BCAS3: variants seen among roughly 807,000 people sequenced by gnomAD.
BCAS3 encodes the protein BCAS3 microtubule associated cell migration factor.
In BCAS3, 53 loss-of-function variants were observed where a neutral mutation model predicts 116.1. That is an observed-to-expected ratio of 0.46 (90% CI 0.37 to 0.57). The LOEUF (loss-of-function observed/expected upper bound fraction) is 0.57. Among genes scored for constraint, BCAS3 ranks in the 20% least tolerant of loss-of-function variants. The pLI is 0.00. For missense variants in BCAS3, 917 were observed against 1,165.4 expected, an observed-to-expected ratio of 0.79 and a Z score of 3.10; for synonymous variants, 391 against 408.2, an observed-to-expected ratio of 0.96 and a Z score of 0.51.
In BCAS3 at chr17:61,008,495, A is replaced by G. The variant is rs1309231229; in HGVS notation, c.1487-7256A>G. On this transcript the variant is annotated intron_variant, in intron 15 of 23. Coordinates refer to ENST00000407086, the MANE Select transcript of BCAS3 (RefSeq NM_017679.5). This position sits in a 1 kb window ranked among gnomAD's most constrained non-coding sequence, Gnocchi z 4.6. ...GTGTTTTTAACTTTTCAGAGCCCAC[A>G]TTTCCAGTGACTATTTCAAAACAAG... Among the ~76,000 whole-genome samples the G allele has an allele frequency of 1.3e-5, 2 of 151,922 alleles. No individual in the cohort carries two copies. The highest frequency in any genetic ancestry group is 1.3e-4 in the Admixed American group (2 of 15,226).
chr17:61,156,144 CAG>C lies in BCAS3; in HGVS notation c.2425+71584_2425+71585del, dbSNP rs1197651166. ...TGCACCACAAACAAACGCAGAGAGA[CAG>C]AGAAAGACAGTCAGCCAGACACATT... is the stretch of plus-strand genomic sequence containing the variant. On this transcript the variant is annotated intron_variant, in intron 22 of 23. Transcript: ENST00000407086. The surrounding 1 kb of genome is among the most constrained non-coding windows in gnomAD (Gnocchi z 4.7). Among the ~76,000 whole-genome samples, 1 of 147,370 alleles carries C rather than the reference CAG, an allele frequency of 6.8e-6. No homozygotes were observed. Among genetic ancestry groups the C allele is most frequent in the African/African-American group, 2.5e-5 (1 of 39,720 alleles).
At position 61,227,581 on chromosome 17, in the gene BCAS3, CCTT is replaced by C. The variant is rs1414631104; in HGVS notation, c.2426-140743_2426-140741del. Among the ~76,000 whole-genome samples, 1 of 152,172 alleles carries C rather than the reference CCTT, an allele frequency of 6.6e-6. No homozygotes were observed. The highest frequency in any genetic ancestry group is 1.5e-5 in the Non-Finnish European group (1 of 68,046). ...GAACCAGGCCTGTGTGCTGGGGAGA[CCTT>C]CTGTGCCCTAAGGCCACATGGCCGA... On this transcript the variant is annotated intron_variant, in intron 22 of 23. Coordinates refer to ENST00000407086, the MANE Select transcript of BCAS3 (RefSeq NM_017679.5). The surrounding 1 kb of genome is among the most constrained non-coding windows in gnomAD (Gnocchi z 6.1).
chr17:60,776,928 T>C (rs1206123887), intron 6 of BCAS3, among the ~76,000 whole-genome samples: 1 of 151,174 alleles, frequency 6.6e-6, no homozygotes, highest in Non-Finnish European at 1.5e-5. Flanking sequence ...GGCAGGAGAA[T>C]TGCTTGAACC....
In BCAS3 at chr17:61,340,281, T is replaced by A. The variant is rs933101544; in HGVS notation, c.2426-28046T>A. Among the ~76,000 whole-genome samples, 32 of 105,764 alleles carry A rather than the reference T, an allele frequency of 3.0e-4. 2 individuals carry two copies. The allele number at this position is 105,764 out of a possible 152,430, so 69.4% of individuals were successfully genotyped here. On this transcript the variant is annotated intron_variant, in intron 22 of 23. Coordinates refer to ENST00000407086, the MANE Select transcript of BCAS3 (RefSeq NM_017679.5). Reference sequence around the variant, plus strand: ...GAGGGGGTGGGGGCTGGTGCATACATGGAGGGATTGACCTTGGTAGAAGGA... The same window carrying A: ...GAGGGGGTGGGGGCTGGTGCATACAAGGAGGGATTGACCTTGGTAGAAGGA...
In BCAS3 at chr17:60,847,212, C is replaced by T. The variant is rs575939414; in HGVS notation, c.477-21364C>T. On this transcript the variant is annotated intron_variant, in intron 7 of 23. Transcript: ENST00000407086. ...TATATTTTGTATACATTGTACACTA[C>T]AATTTGTTTATCCATTCATCTGTTG... Among the ~76,000 whole-genome samples, 3 of 152,258 alleles carry T rather than the reference C, an allele frequency of 2.0e-5. No homozygotes were observed. In the East Asian group the frequency reaches 5.8e-4, roughly 29 times the overall value.
chr17:60,960,162 A>C lies in BCAS3; in HGVS notation c.1221+12810A>C, dbSNP rs1484250077. ...CTGTATTCTATCCTCTGCCTCCCAGAATTCATGTTCATGCCATATGCTAAG... is the reference window on the plus strand; with the variant it reads ...CTGTATTCTATCCTCTGCCTCCCAGCATTCATGTTCATGCCATATGCTAAG... On this transcript the variant is annotated intron_variant, in intron 14 of 23. Coordinates refer to ENST00000407086, the MANE Select transcript of BCAS3 (RefSeq NM_017679.5). This position sits in a 1 kb window ranked among gnomAD's most constrained non-coding sequence, Gnocchi z 4.1. Among the ~76,000 whole-genome samples the C allele has an allele frequency of 6.6e-6, 1 of 152,148 alleles. No homozygotes were observed. Among genetic ancestry groups the C allele is most frequent in the Admixed American group, 6.5e-5 (1 of 15,272 alleles).
intron 14 of BCAS3, among the ~76,000 whole-genome samples, chr17:60,984,556 A>G (rs892302431): frequency 6.6e-6 from 1 of 152,216 alleles, no homozygotes; most frequent in Non-Finnish European, 1.5e-5. Flanking sequence ...TGATACAGGC[A>G]TATAGTACAT....
intron 22 of BCAS3, among the ~76,000 whole-genome samples, chr17:61,238,538 T>C (rs1305329145): frequency 6.6e-6 from 1 of 152,012 alleles, no homozygotes; most frequent in African/African-American, 2.4e-5. Context: ...TATTTCTGCT[T>C]GACCAATTCC....
At chr17:60,904,273 G>A (rs1197601608) in intron 11 of BCAS3, among the ~76,000 whole-genome samples, 3 of 151,922 alleles carry the variant, frequency 2.0e-5, no homozygotes, top group African/African-American at 7.3e-5. Context: ...GCATGGTGGC[G>A]GGTGCCTGTA....
chr17:60,779,177 C>G (rs1319632131), intron 6 of BCAS3, among the ~76,000 whole-genome samples: 1 of 151,982 alleles, frequency 6.6e-6, no homozygotes, highest in Non-Finnish European at 1.5e-5. Flanking sequence ...AGGCTGCCTG[C>G]TCTCCCCACC....
intron 22 of BCAS3, among the ~76,000 whole-genome samples, chr17:61,178,906 G>A (rs1176679273): frequency 6.6e-6 from 1 of 152,044 alleles, no homozygotes; most frequent in African/African-American, 2.4e-5. Context: ...AATGAGCATC[G>A]GTTTATTACA....
At chr17:61,137,443 T>C (rs937362112) in intron 22 of BCAS3, among the ~76,000 whole-genome samples, 6 of 152,230 alleles carry the variant, frequency 3.9e-5, no homozygotes, top group Admixed American at 6.5e-5. Flanking sequence ...GAGCAATTTC[T>C]AAATAATGGG....
intron 15 of BCAS3, among the ~76,000 whole-genome samples, chr17:60,996,624 G>A (rs1270570136): frequency 6.6e-6 from 1 of 152,088 alleles, no homozygotes; most frequent in African/African-American, 2.4e-5. Flanking sequence ...GTAGGTAGTT[G>A]GTTACATGAG....
At chr17:61,237,719 TTTCCCAAGACTG>T (rs897256968) in intron 22 of BCAS3, among the ~76,000 whole-genome samples, 5 of 152,338 alleles carry the variant, frequency 3.3e-5, no homozygotes, top group African/African-American at 1.2e-4. Context: ...ACGAAGTAAC[TTTCCCAAGACTG>T]CTCAGCCCAT....
Position 60,761,040 on chromosome 17 carries a change from C to T in BCAS3, c.403+13761C>T, listed in dbSNP as rs115583894. On this transcript the variant is annotated intron_variant, in intron 6 of 23. Transcript: ENST00000407086. ...TTTGCATTTTATTCATATAATTCTTCTGTTCTAGAATTTCTGTTTTGTTCT... is the reference window on the plus strand; with the variant it reads ...TTTGCATTTTATTCATATAATTCTTTTGTTCTAGAATTTCTGTTTTGTTCT... Among the ~76,000 whole-genome samples the T allele has an allele frequency of 2.1e-3, 315 of 151,980 alleles. 2 individuals carry two copies. The highest frequency in any genetic ancestry group is 7.1e-3 in the African/African-American group (294 of 41,438).
At chr17:61,157,505 T>G (rs1336912682) in intron 22 of BCAS3, 4 of 151,642 alleles carry the variant, frequency 2.6e-5, no homozygotes, top group Admixed American at 2.0e-4. Context: ...ACGCTCTCCC[T>G]CTCCGGCTCT....
chr17:61,005,837 T>C (rs1435513097), intron 15 of BCAS3, among the ~76,000 whole-genome samples: 1 of 151,636 alleles, frequency 6.6e-6, no homozygotes, highest in African/African-American at 2.4e-5. Flanking sequence ...AGGGTACATG[T>C]GCACATTGTG....
rs2076073990 is a variant in BCAS3, at chr17:61,126,898, A to G, written c.2425+42334A>G. On this transcript the variant is annotated intron_variant, in intron 22 of 23. Coordinates refer to ENST00000407086, the MANE Select transcript of BCAS3 (RefSeq NM_017679.5). The surrounding 1 kb of genome is among the most constrained non-coding windows in gnomAD (Gnocchi z 4.6). Reference sequence around the variant, plus strand: ...TACAGGAATGTCTTACATGGTAACAAGAATACAAAATGTGTTAAGATTTCT... The same window carrying G: ...TACAGGAATGTCTTACATGGTAACAGGAATACAAAATGTGTTAAGATTTCT... Among the ~76,000 whole-genome samples, 1 of 152,198 alleles carries G rather than the reference A, an allele frequency of 6.6e-6. No individual in the cohort carries two copies. Among genetic ancestry groups the G allele is most frequent in the Non-Finnish European group, 1.5e-5 (1 of 68,024 alleles).
chr17:61,335,394 G>A (rs2056640076), intron 22 of BCAS3, among the ~76,000 whole-genome samples: 1 of 152,172 alleles, frequency 6.6e-6, no homozygotes, highest in Non-Finnish European at 1.5e-5. Flanking sequence ...TGCCTGTTGG[G>A]TCTCATCAAA....
Sources: gnomAD v4.1 joint callset for allele counts (sites outside exome capture counted in the v4.1 genomes callset) on GRCh38, gnomAD v4.1.1 for gene constraint, Gnocchi (gnomAD v3.1) non-coding constraint, MANE v1.5 for transcripts, NCBI Gene and HGNC (gene_info 2026-07-23, HGNC 2026-07-21) for gene names.